Variants in ANKRD20A1 observed in about 807,000 individuals in gnomAD.
ANKRD20A1 encodes the protein ankyrin repeat domain-containing protein 20A1.
Under a neutral mutation model 50.9 loss-of-function variants are expected in ANKRD20A1, and 2 were observed. The ratio of observed to expected loss-of-function variants is 0.04; its 90% CI spans 0.02 to 0.12. ANKRD20A1 has a LOEUF of 0.12. ANKRD20A1 is among the 10% of genes least tolerant of loss of function. The pLI, the probability that ANKRD20A1 is intolerant of heterozygous loss-of-function variation, is 1.00. For synonymous variants in ANKRD20A1, 10 were observed against 186.2 expected (o/e 0.05, Z 7.70); for missense variants, 31 against 548.1 (o/e 0.06, Z 9.42).
At chr9:67,867,593 G>A (rs1280364634) in intron 4 of ANKRD20A1, among the ~76,000 whole-genome samples, 1 of 152,274 alleles carries the variant, frequency 6.6e-6, no homozygotes, top group Non-Finnish European at 1.5e-5. Flanking sequence ...TACAGTGTTT[G>A]GTATTTATAA....
intron 8 of ANKRD20A1, among the ~76,000 whole-genome samples, chr9:67,882,215 G>T (rs1244720239): frequency 2.7e-5 from 4 of 150,920 alleles, no homozygotes; most frequent in Non-Finnish European, 5.9e-5. Context: ...TTTAACTGTT[G>T]GGCTCAAGTG....
chr9:67,864,755 A>T lies in ANKRD20A1; in HGVS notation c.492+1364A>T, dbSNP rs1827532517. On this transcript the variant is annotated intron_variant, in intron 3 of 14. Coordinates refer to ENST00000562196, the MANE Select transcript of ANKRD20A1 (RefSeq NM_032250.5). ...CAGAATAGATAAGTGCAATATATAA[A>T]TTTCTGTATCTCAAAAATGTAAGAA... is the stretch of plus-strand genomic sequence containing the variant. 4.1e-5 allele frequency among the ~76,000 whole-genome samples: 2 copies of T among 48,378 alleles called. 1 individual carries two copies. The highest frequency in any genetic ancestry group is 8.3e-5 in the Non-Finnish European group (2 of 24,010). The allele number at this position is 48,378 out of a possible 152,430, so 31.7% of individuals were successfully genotyped here. A position where few individuals can be genotyped will look rare whatever the true frequency, so the allele number is the denominator to read the frequency against.
intron 3 of ANKRD20A1, among the ~76,000 whole-genome samples, 178 bp from the exon 4 acceptor site, chr9:67,867,099 T>C (rs1827581310): frequency 2.2e-5 from 1 of 44,872 alleles, no homozygotes; most frequent in Non-Finnish European, 4.5e-5. Flanking sequence ...GAGGGTTGTT[T>C]GCAAGGCAAA....
intron 8 of ANKRD20A1, among the ~76,000 whole-genome samples, chr9:67,882,230 G>A (rs1313052493): frequency 1.3e-5 from 2 of 151,152 alleles, no homozygotes; most frequent in African/African-American, 4.8e-5. Context: ...CAAGTGTTCT[G>A]CCTGCCTCAG....
intron 4 of ANKRD20A1, among the ~76,000 whole-genome samples, chr9:67,867,614 T>C (rs1265377235): frequency 1.3e-5 from 2 of 152,276 alleles, no homozygotes; most frequent in Non-Finnish European, 2.9e-5. Context: ...TCAGATGTTT[T>C]TGGTACTGTA....
chr9:67,891,431 T>C (rs1174907629), intron 11 of ANKRD20A1, among the ~76,000 whole-genome samples: 471 of 85,242 alleles, frequency 5.5e-3, no homozygotes, highest in African/African-American at 0.018. Context: ...ATGTATATTA[T>C]TTTACTTCTC....
At chr9:67,884,839 GAGATACCAC>G (rs1827851408) in intron 9 of ANKRD20A1, among the ~76,000 whole-genome samples, 1 of 151,330 alleles carries the variant, frequency 6.6e-6, no homozygotes, top group Non-Finnish European at 1.5e-5. Context: ...GCAGTGAGCG[GAGATACCAC>G]CACTGCATTC....
intron 9 of ANKRD20A1, among the ~76,000 whole-genome samples, chr9:67,885,155 A>G (rs1433281289): frequency 6.6e-6 from 1 of 152,176 alleles, no homozygotes; most frequent in Non-Finnish European, 1.5e-5. Context: ...GAATAAAGAG[A>G]AAGAAAGAAT....
chr9:67,865,596 A>G (rs1475267777), intron 3 of ANKRD20A1, among the ~76,000 whole-genome samples: 1 of 148,314 alleles, frequency 6.7e-6, no homozygotes, highest in Non-Finnish European at 1.5e-5. Flanking sequence ...TTGAATCAAC[A>G]TGTAAAATTT....
chr9:67,866,045 A>G (rs1241519917), intron 3 of ANKRD20A1, among the ~76,000 whole-genome samples: 2 of 150,846 alleles, frequency 1.3e-5, no homozygotes, highest in Non-Finnish European at 2.9e-5. Flanking sequence ...TAATTTATGA[A>G]TATTGCAGAC....
At chr9:67,866,355 T>A (rs1268044627) in intron 3 of ANKRD20A1, among the ~76,000 whole-genome samples, 3 of 151,958 alleles carry the variant, frequency 2.0e-5, no homozygotes, top group Non-Finnish European at 4.4e-5. Context: ...CTTAAGTTTT[T>A]TAAACCTATC....
chr9:67,871,844 C>T (rs79493883), intron 6 of ANKRD20A1, among the ~76,000 whole-genome samples: 6 of 143,560 alleles, frequency 4.2e-5, no homozygotes, highest in Non-Finnish European at 6.2e-5. Flanking sequence ...ATACTGTGTT[C>T]GTACAATAAA....
chr9:67,876,910 T>G (rs1487312542), intron 6 of ANKRD20A1, among the ~76,000 whole-genome samples: 222 of 58,950 alleles, frequency 3.8e-3, no homozygotes, highest in African/African-American at 8.4e-3. Flanking sequence ...AATCACAAAC[T>G]GTTTTTCCCT....
At chr9:67,868,779 A>T (rs1827615437) in intron 5 of ANKRD20A1, among the ~76,000 whole-genome samples, 1 of 65,646 alleles carries the variant, frequency 1.5e-5, no homozygotes, top group African/African-American at 4.4e-5. Flanking sequence ...TGAGACATTT[A>T]TCCCTAGGGA....
chr9:67,882,270 G>A (rs1202528894), intron 8 of ANKRD20A1, among the ~76,000 whole-genome samples: 3 of 151,478 alleles, frequency 2.0e-5, no homozygotes, highest in Non-Finnish European at 2.9e-5. Context: ...ACAGGCATAA[G>A]ATATTCAGCC....
chr9:67,883,086 G>A (rs1379692349), intron 8 of ANKRD20A1, among the ~76,000 whole-genome samples: 121 of 149,940 alleles, frequency 8.1e-4, no homozygotes, highest in African/African-American at 2.4e-3. Flanking sequence ...AAATAGTGCC[G>A]CAGTAAACAT....
At chr9:67,881,655 C>T (rs200520914) in intron 8 of ANKRD20A1, among the ~76,000 whole-genome samples, 18,313 of 136,064 alleles carry the variant, frequency 0.13, no homozygotes, top group South Asian at 0.18. Context: ...ATTAACCAGG[C>T]GTGATGGTGC....
rs1177054415 is a variant in ANKRD20A1, at chr9:67,860,257, G to A, written c.203+628G>A. Among the ~76,000 whole-genome samples, 2 of 45,724 alleles carry A rather than the reference G, an allele frequency of 4.4e-5. 1 individual carries two copies. The highest frequency in any genetic ancestry group is 8.6e-5 in the Non-Finnish European group (2 of 23,378). 30.0% of individuals were successfully genotyped at this position (45,724 alleles called of 152,430 possible). A position where few individuals can be genotyped will look rare whatever the true frequency, so the allele number is the denominator to read the frequency against. The stretch of plus-strand genomic sequence containing the variant: ...ATATTTAGTTTCACCACGTTGGCCA[G>A]GCTGGTCTCGAACTCCTGACCTCAA... On this transcript the variant is annotated intron_variant, in intron 1 of 14. Transcript: ENST00000562196.
chr9:67,900,237 T>C (rs1285121123), intron 14 of ANKRD20A1, among the ~76,000 whole-genome samples: 2 of 19,424 alleles, frequency 1.0e-4, no homozygotes, highest in Non-Finnish European at 1.3e-4. Context: ...TTTCCAATTC[T>C]GATATTCTTA....
Sources: gnomAD v4.1 joint callset for allele counts (sites outside exome capture counted in the v4.1 genomes callset) on GRCh38, gnomAD v4.1.1 for gene constraint, MANE v1.5 for transcripts, NCBI Gene and HGNC (gene_info 2026-07-23, HGNC 2026-07-21) for gene names.